SLC44A5: variants seen among roughly 807,000 people sequenced by gnomAD.
SLC44A5 encodes the protein choline transporter-like protein 5.
A neutral mutation model predicts 101.8 loss-of-function variants in SLC44A5; 57 were observed. That is an observed-to-expected ratio of 0.56 (90% CI 0.45 to 0.70). The LOEUF (loss-of-function observed/expected upper bound fraction) is 0.70. SLC44A5 is among the 30% of genes least tolerant of loss of function. The pLI is 0.00. For synonymous variants in SLC44A5, 281 were observed against 290.9 expected, an observed-to-expected ratio of 0.97 and a Z score of 0.35; for missense variants, 737 against 853.1, an observed-to-expected ratio of 0.86 and a Z score of 1.70.
At chr1:75,376,249 G>A (rs1228801249) in intron 3 of SLC44A5, among the ~76,000 whole-genome samples, 15 of 152,176 alleles carry the variant, frequency 9.9e-5, no homozygotes, top group Non-Finnish European at 1.8e-4. Flanking sequence ...AGGCGGCAGC[G>A]AGGCTGGGGG....
At chr1:75,697,524 A>T in the SLC44A5 span, among the ~76,000 whole-genome samples, 3 of 152,132 alleles carry the variant, frequency 2.0e-5, no homozygotes, top group African/African-American at 7.2e-5. Flanking sequence ...CAGTGGCTCA[A>T]ACCTGTAATC....
intron 6 of SLC44A5, among the ~76,000 whole-genome samples, chr1:75,273,133 T>C (rs567087385): frequency 6.6e-6 from 1 of 152,234 alleles, no homozygotes; most frequent in Non-Finnish European, 1.5e-5. Flanking sequence ...TTTTATTTTA[T>C]TTTTTGCAGA....
intron 5 of SLC44A5, among the ~76,000 whole-genome samples, chr1:75,298,288 TA>T (rs202236384): frequency 2.6e-5 from 4 of 151,874 alleles, no homozygotes; most frequent in South Asian, 4.1e-4. Flanking sequence ...GTTCAGGGAT[TA>T]AAAAAAAGGT....
chr1:75,480,337 T>C (rs1667757428), intron 2 of SLC44A5, among the ~76,000 whole-genome samples: 1 of 152,196 alleles, frequency 6.6e-6, no homozygotes, highest in Non-Finnish European at 1.5e-5. Context: ...CTTTGAAAAC[T>C]GGCACAAGAC....
At chr1:75,334,045 T>G (rs1214624772) in intron 4 of SLC44A5, among the ~76,000 whole-genome samples, 1 of 152,200 alleles carries the variant, frequency 6.6e-6, no homozygotes, top group African/African-American at 2.4e-5. Flanking sequence ...TTACCTGCCA[T>G]CTGCCCAAGA....
chr1:75,606,477 T>A (rs1675332002), intron 1 of SLC44A5, among the ~76,000 whole-genome samples: 1 of 151,986 alleles, frequency 6.6e-6, no homozygotes, highest in African/African-American at 2.4e-5. Flanking sequence ...CAACAAGGAA[T>A]AAAACCCACT....
At chr1:75,583,804 T>C (rs1673838264) in intron 1 of SLC44A5, among the ~76,000 whole-genome samples, 1 of 152,198 alleles carries the variant, frequency 6.6e-6, no homozygotes, top group African/African-American at 2.4e-5. Context: ...TGCAGTACTC[T>C]TGGGGCTTCC....
chr1:75,352,102 CA>C (rs1177841442), intron 3 of SLC44A5, among the ~76,000 whole-genome samples: 1 of 151,996 alleles, frequency 6.6e-6, no homozygotes, highest in Non-Finnish European at 1.5e-5. Flanking sequence ...TCTTATACCC[CA>C]TAAGTTATCT....
At chr1:75,713,336 C>T in the SLC44A5 span, among the ~76,000 whole-genome samples, 1 of 152,172 alleles carries the variant, frequency 6.6e-6, no homozygotes, top group Non-Finnish European at 1.5e-5. Context: ...CAACTATTTC[C>T]TCCATAATGT....
In SLC44A5 at chr1:75,387,100, A is replaced by G. The variant is rs561346780; in HGVS notation, c.52+9483T>C. Among the ~76,000 whole-genome samples, 4 of 152,360 alleles carry G rather than the reference A, an allele frequency of 2.6e-5. No individual in the cohort carries two copies. In the South Asian group the frequency reaches 6.2e-4, roughly 24 times the overall value. The stretch of plus-strand genomic sequence containing the variant: ...ACTTACAAGTTAGACCTAAAACCAT[A>G]AAAATCCTAGAAGAAAACCTAGGCA... On this transcript the variant is annotated intron_variant, in intron 3 of 23. Transcript: ENST00000370859.
At chr1:75,667,835 A>T in the SLC44A5 span, among the ~76,000 whole-genome samples, 4 of 152,212 alleles carry the variant, frequency 2.6e-5, no homozygotes, top group Non-Finnish European at 5.9e-5. Flanking sequence ...ACAAAGAAAA[A>T]CTGATTAAAC....
chr1:75,446,767 G>C (rs1570306289), intron 2 of SLC44A5, among the ~76,000 whole-genome samples: 1 of 151,990 alleles, frequency 6.6e-6, no homozygotes, highest in East Asian at 1.9e-4. Flanking sequence ...TGGTAAATCT[G>C]TCTTTTAACT....
At chr1:75,384,667 G>A (rs1248143381) in intron 3 of SLC44A5, among the ~76,000 whole-genome samples, 1 of 119,456 alleles carries the variant, frequency 8.4e-6, no homozygotes, top group Non-Finnish European at 1.7e-5. Context: ...AAGTCAACAA[G>A]GATACCCAGG....
intron 4 of SLC44A5, among the ~76,000 whole-genome samples, chr1:75,319,998 A>G (rs1017059934): frequency 6.6e-6 from 1 of 152,134 alleles, no homozygotes; most frequent in Non-Finnish European, 1.5e-5. Context: ...ACTCTGCACC[A>G]TCTTCACTCT....
intron 2 of SLC44A5, among the ~76,000 whole-genome samples, chr1:75,525,571 G>C (rs1477274191): frequency 2.6e-5 from 4 of 152,010 alleles, no homozygotes; most frequent in Non-Finnish European, 4.4e-5. Context: ...GAGATTAAAA[G>C]ACACTAGAGA....
intron 5 of SLC44A5, among the ~76,000 whole-genome samples, chr1:75,290,181 C>T (rs1165653597): frequency 6.6e-6 from 1 of 152,148 alleles, no homozygotes; most frequent in Non-Finnish European, 1.5e-5. Context: ...CAACACTGAA[C>T]CCCATTCACC....
intron 2 of SLC44A5, among the ~76,000 whole-genome samples, chr1:75,403,502 C>A (rs1662640136): frequency 6.6e-6 from 1 of 152,154 alleles, no homozygotes; most frequent in African/African-American, 2.4e-5. Flanking sequence ...GAGGAAGAAA[C>A]AGGCAGCAAT....
chr1:75,311,428 A>G (rs1302852322), intron 4 of SLC44A5, among the ~76,000 whole-genome samples: 3 of 152,144 alleles, frequency 2.0e-5, no homozygotes, highest in East Asian at 1.9e-4. Flanking sequence ...TCAAAATAGC[A>G]TCTTAATGTT....
chr1:75,518,558 G>T (rs1485053184), intron 2 of SLC44A5, among the ~76,000 whole-genome samples: 1 of 152,050 alleles, frequency 6.6e-6, no homozygotes, highest in Non-Finnish European at 1.5e-5. Flanking sequence ...GCAAATTAAT[G>T]AGAGAAATAA....
Sources: gnomAD v4.1 joint callset for allele counts (sites outside exome capture counted in the v4.1 genomes callset) on GRCh38, gnomAD v4.1.1 for gene constraint, MANE v1.5 for transcripts, NCBI Gene and HGNC (gene_info 2026-07-23, HGNC 2026-07-21) for gene names.